The following ELAVL3 variants were observed in gnomAD, a reference collection of about 807,000 sequenced individuals.
The protein encoded by ELAVL3 is ELAV-like protein 3.
A neutral mutation model predicts 34.2 loss-of-function variants in ELAVL3; 8 were observed. That is an observed-to-expected ratio of 0.23 (90% CI 0.14 to 0.42). The LOEUF (loss-of-function observed/expected upper bound fraction) is 0.42, where lower values mean the gene tolerates loss of function less well. Ranked by LOEUF, ELAVL3 falls within the 10% of genes least tolerant of loss-of-function variation. ELAVL3 has a pLI of 1.00. For missense variants in ELAVL3, 273 were observed against 518.8 expected, an observed-to-expected ratio of 0.53 and a Z score of 4.60; for synonymous variants, 209 against 222.1, an observed-to-expected ratio of 0.94 and a Z score of 0.53.
intron 1 of ELAVL3, among the ~76,000 whole-genome samples, chr19:11,467,703 C>T (rs1352550134): frequency 1.3e-5 from 2 of 151,960 alleles, no homozygotes; most frequent in East Asian, 1.9e-4. Context: ...AGGCTGGTCT[C>T]GAACTCCTGA....
chr19:11,464,826 C>T (rs1970990538), intron 3 of ELAVL3, among the ~76,000 whole-genome samples: 1 of 112,980 alleles, frequency 8.9e-6, no homozygotes, highest in African/African-American at 3.5e-5. Flanking sequence ...ACCACACACA[C>T]CACACACAAA....
rs1347115613 is a variant in ELAVL3 at position 11,454,339 on chromosome 19, C to G, written c.*187G>C. 3.3e-6 allele frequency: 2 copies of G among 613,196 alleles called. No individual in the cohort carries two copies. Among genetic ancestry groups the G allele is most frequent in the East Asian group, 5.6e-5 (2 of 35,698 alleles). The allele number at this position is 613,196 out of a possible 1,614,324, so 38.0% of individuals were successfully genotyped here. ...GGCGGGGGATCCCCGGGCACCCCCC[C>G]AATTCCCTGCAGACCCTCCCACCCC... On this transcript the variant is annotated 3_prime_UTR_variant, in exon 7 of 7. Coordinates refer to ENST00000359227, the MANE Select transcript of ELAVL3 (RefSeq NM_001420.4). This position sits in a 1 kb window ranked among gnomAD's most constrained non-coding sequence, Gnocchi z 9.2.
chr19:11,480,240 G>A lies in ELAVL3; in HGVS notation c.9+360C>T. 7.5e-6 allele frequency: 2 copies of A among 267,004 alleles called. No individual in the cohort carries two copies. Among genetic ancestry groups the A allele is most frequent in the Non-Finnish European group, 1.4e-5 (2 of 141,986 alleles). The allele number at this position is 267,004 out of a possible 1,614,324, so 16.5% of individuals were successfully genotyped here. A position where few individuals can be genotyped will look rare whatever the true frequency, so the allele number is the denominator to read the frequency against. On this transcript the variant is annotated intron_variant, in intron 1 of 6. Coordinates refer to ENST00000359227, the MANE Select transcript of ELAVL3 (RefSeq NM_001420.4). This position sits in a 1 kb window ranked among gnomAD's most constrained non-coding sequence, Gnocchi z 6.8. The stretch of plus-strand genomic sequence containing the variant: ...GGCCCAGCACCAGTGATCGGGCCCT[G>A]CGTTTGCCTGGGCGGCCTGCGGGGT...
At chr19:11,477,323 G>A (rs143328338) in intron 1 of ELAVL3, among the ~76,000 whole-genome samples, 27 of 152,258 alleles carry the variant, frequency 1.8e-4, no homozygotes, top group African/African-American at 6.3e-4. Flanking sequence ...ACAGGGTCTT[G>A]CTCTGTTGCC....
chr19:11,457,201 T>C, intron 5 of ELAVL3, 53 bp from the exon 6 acceptor site: 1 of 1,519,776 alleles, frequency 6.6e-7, no homozygotes, highest in Non-Finnish European at 8.8e-7. Context: ...GCCCCCCTGC[T>C]GTGACACCGT....
At chr19:11,457,963 C>G in intron 5 of ELAVL3, 98 bp downstream of exon 5, 1 of 1,336,904 alleles carries the variant, frequency 7.5e-7, no homozygotes, top group Non-Finnish European at 1.0e-6. Flanking sequence ...GTGTGCGCAC[C>G]CTCCCGGCAT....
At chr19:11,460,413 T>G (rs959531341) in intron 3 of ELAVL3, among the ~76,000 whole-genome samples, 13 of 144,606 alleles carry the variant, frequency 9.0e-5, no homozygotes, top group Non-Finnish European at 1.8e-4. Context: ...CCAGGTCGCA[T>G]CCCCCCTCTG....
intron 1 of ELAVL3, among the ~76,000 whole-genome samples, chr19:11,474,196 C>A (rs1041231760): frequency 6.6e-6 from 1 of 152,094 alleles, no homozygotes; most frequent in African/African-American, 2.4e-5. Context: ...CCATGCCTGG[C>A]TAATTTTTTT....
In ELAVL3 at chr19:11,480,437, C is replaced by A. The variant is rs2144922665; in HGVS notation, c.9+163G>T. On this transcript the variant is annotated intron_variant, in intron 1 of 6. Coordinates refer to ENST00000359227, the MANE Select transcript of ELAVL3 (RefSeq NM_001420.4). The surrounding 1 kb of genome is among the most constrained non-coding windows in gnomAD (Gnocchi z 6.8). ...CTAAGCGCCCTCAGCACTCTGGGCG[C>A]GGCCCTGCCCACTCTCAGGCCCCGA... Among the ~76,000 whole-genome samples, 1 of 152,150 alleles carries A rather than the reference C, an allele frequency of 6.6e-6. No homozygotes were observed. Among genetic ancestry groups the A allele is most frequent in the Admixed American group, 6.5e-5 (1 of 15,304 alleles).
intron 3 of ELAVL3, among the ~76,000 whole-genome samples, chr19:11,460,951 A>G (rs985942024): frequency 2.7e-5 from 4 of 150,784 alleles, no homozygotes; most frequent in Non-Finnish European, 5.9e-5. Context: ...CAGGAGTTTG[A>G]GACCAGCCTG....
intron 1 of ELAVL3, among the ~76,000 whole-genome samples, chr19:11,473,377 GAGAAA>G (rs573335279): frequency 1.6e-3 from 246 of 152,036 alleles, no homozygotes; most frequent in African/African-American, 5.5e-3. Flanking sequence ...AAAAAGAAAA[GAGAAA>G]AGAAAAGAAA....
chr19:11,477,633 G>A (rs1037930172), intron 1 of ELAVL3, among the ~76,000 whole-genome samples: 4 of 151,668 alleles, frequency 2.6e-5, no homozygotes, highest in Admixed American at 6.6e-5. Flanking sequence ...TTTGCTATAA[G>A]AGCCCAGTGA....
chr19:11,454,746 G>A lies in ELAVL3; in HGVS notation c.884C>T (p.Ala295Val), dbSNP rs553002178. Residue 295 changes from alanine (A) to valine (V), a missense_variant, in exon 7 of 7, where the codon GCA (alanine) becomes GTA (valine). Transcript: ENST00000359227. The surrounding 1 kb of genome is among the most constrained non-coding windows in gnomAD (Gnocchi z 9.2). ...CAGCTGCCACAGCACGCTCTCGTCT[G>A]CCTCCGGTGACAGGTTGTACACGAA... ...CIFVYNLSPE[A>V]DESVLWQLFG... is the part of the protein sequence containing the mutation. 6.2e-7 allele frequency: 1 copy of A among 1,614,154 alleles called. No homozygotes were observed. Among genetic ancestry groups the A allele is most frequent in the East Asian group, 2.2e-5 (1 of 44,886 alleles).
Position 11,458,414 on chromosome 19 carries a change from T to C in ELAVL3, c.487+44A>G. On this transcript the variant is annotated intron_variant, in intron 4 of 6. Coordinates refer to ENST00000359227, the MANE Select transcript of ELAVL3 (RefSeq NM_001420.4). The surrounding 1 kb of genome is among the most constrained non-coding windows in gnomAD (Gnocchi z 7.3). ...CCACGTTGGTCCCACCTGACTGCCT[T>C]TGCCCAGCGCCCCCGCCAGGTGCAC... is the stretch of plus-strand genomic sequence containing the variant. 6.2e-7 allele frequency: 1 copy of C among 1,612,454 alleles called. No homozygotes were observed.
intron 3 of ELAVL3, among the ~76,000 whole-genome samples, chr19:11,465,383 C>A (rs1184070469): frequency 1.3e-5 from 2 of 151,032 alleles, no homozygotes; most frequent in Non-Finnish European, 3.0e-5. Context: ...TACATACACA[C>A]ATACACACAC....
Position 11,476,670 on chromosome 19 carries a change from G to A in ELAVL3, c.9+3930C>T, listed in dbSNP as rs185040535. ...TCCCAATACTTTGGGAGGCCTAGGCGGGAGGATCACCTGAGGTCAGGAGTT... is the reference window on the plus strand; with the variant it reads ...TCCCAATACTTTGGGAGGCCTAGGCAGGAGGATCACCTGAGGTCAGGAGTT... On this transcript the variant is annotated intron_variant, in intron 1 of 6. Coordinates refer to ENST00000359227, the MANE Select transcript of ELAVL3 (RefSeq NM_001420.4). 8.4e-4 allele frequency among the ~76,000 whole-genome samples: 128 copies of A among 152,060 alleles called. 1 individual carries two copies. The East Asian group carries it at 0.023, about 27-fold the overall frequency.
rs907349743 is a variant in ELAVL3, at chr19:11,451,439, C to T, written c.*3087G>A. 1.3e-5 allele frequency: 2 copies of T among 149,996 alleles called. No homozygotes were observed. Among genetic ancestry groups the T allele is most frequent in the East Asian group, 1.9e-4 (1 of 5,150 alleles). The allele number at this position is 149,996 out of a possible 1,614,324, so 9.3% of individuals were successfully genotyped here. A position where few individuals can be genotyped will look rare whatever the true frequency, so the allele number is the denominator to read the frequency against. ...TGATCCCGGTAATAAATAGTCTAAA[C>T]GCAACGCGAAGTGTTCTTGTTGGGT... On this transcript the variant is annotated 3_prime_UTR_variant, in exon 7 of 7. Coordinates refer to ENST00000359227, the MANE Select transcript of ELAVL3 (RefSeq NM_001420.4).
intron 3 of ELAVL3, among the ~76,000 whole-genome samples, chr19:11,464,133 C>CTCTGTCTT (rs992734562): frequency 0.043 from 4,357 of 100,180 alleles, 120 homozygotes; most frequent in African/African-American, 0.11. Flanking sequence ...GTCTCTCTCT[C>CTCTGTCTT]TCTCTCTCTC....
chr19:11,453,630 G>A lies in ELAVL3; in HGVS notation c.*896C>T, dbSNP rs1392753779. The A allele has an allele frequency of 6.5e-6, 1 of 152,866 alleles. No homozygotes were observed. The highest frequency in any genetic ancestry group is 1.5e-5 in the Non-Finnish European group (1 of 68,088). The allele number at this position is 152,866 out of a possible 1,614,324, so 9.5% of individuals were successfully genotyped here. On this transcript the variant is annotated 3_prime_UTR_variant, in exon 7 of 7. Transcript: ENST00000359227. ...TCTTTCTGTCTATCCCTGTCCACGT[G>A]TCTGAGTTTGGCCAACCAGTCCCTT...
Sources: allele counts gnomAD v4.1 joint callset (sites outside exome capture counted in the v4.1 genomes callset), GRCh38; gene constraint gnomAD v4.1.1; non-coding constraint Gnocchi (gnomAD v3.1); transcripts MANE v1.5; gene names NCBI Gene and HGNC (gene_info 2026-07-23, HGNC 2026-07-21).